The following POLR3B variants were observed in gnomAD, a reference collection of about 807,000 sequenced individuals.
POLR3B encodes DNA-directed RNA polymerase III subunit RPC2.
A neutral mutation model predicts 147.4 loss-of-function variants in POLR3B; 96 were observed. The ratio of observed to expected loss-of-function variants is 0.65; its 90% CI spans 0.55 to 0.77. POLR3B has a LOEUF of 0.77. Ranked by LOEUF, POLR3B falls within the 30% of genes least tolerant of loss-of-function variation. The pLI, the probability that POLR3B is intolerant of heterozygous loss-of-function variation, is 0.00. For synonymous variants in POLR3B, 461 were observed against 485.9 expected, an observed-to-expected ratio of 0.95 and a Z score of 0.67; for missense variants, 1,036 against 1,413.5, an observed-to-expected ratio of 0.73 and a Z score of 4.28.
At chr12:106,490,103 A>G (rs1333105527) in intron 23 of POLR3B, among the ~76,000 whole-genome samples, 3 of 152,322 alleles carry the variant, frequency 2.0e-5, no homozygotes, top group African/African-American at 7.2e-5. Context: ...TTTGGTCTTC[A>G]GTAGCTCGCC....
chr12:106,501,542 G>C, intron 26 of POLR3B, 106 bp downstream of exon 26: 2 of 725,628 alleles, frequency 2.8e-6, no homozygotes, highest in South Asian at 1.7e-5. Context: ...GTTTTCCTGA[G>C]ATGTCAAAAT....
At chr12:106,438,235 T>G (rs2037603386) in intron 18 of POLR3B, among the ~76,000 whole-genome samples, 1 of 152,202 alleles carries the variant, frequency 6.6e-6, no homozygotes, top group South Asian at 2.1e-4. Context: ...TTTTTATGAC[T>G]GCATAGTATT....
chr12:106,421,659 T>C (rs1220771406), intron 12 of POLR3B, among the ~76,000 whole-genome samples: 1 of 151,946 alleles, frequency 6.6e-6, no homozygotes, highest in Non-Finnish European at 1.5e-5. Flanking sequence ...GTGTTGCAGA[T>C]ATCCTTTTCC....
chr12:106,496,084 G>A lies in POLR3B; in HGVS notation c.2743G>A (p.Asp915Asn). 1 of 1,612,406 alleles carries A rather than the reference G, an allele frequency of 6.2e-7. No individual in the cohort carries two copies. Among genetic ancestry groups the A allele is most frequent in the Non-Finnish European group, 8.5e-7 (1 of 1,178,434 alleles). Residue 915 changes from aspartate to asparagine, a missense_variant, in exon 24 of 28, where the codon GAC (aspartate) becomes AAC (asparagine). By Grantham distance (23) the Asp-to-Asn change is conservative. Around this residue, in one of 12 missense-constraint regions of POLR3B, gnomAD observed 202 missense variants for 272.8 expected, o/e 0.74. Transcript: ENST00000228347. ...TTGTGGCTTGATCGTCCCCCAGGAA[G>A]ACATGCCATTTTGTGATTCTGGCAT... Reference protein sequence around the residue: ...GVCGLIVPQEDMPFCDSGICP... With the variant: ...GVCGLIVPQENMPFCDSGICP...
intron 23 of POLR3B, among the ~76,000 whole-genome samples, chr12:106,492,275 A>T (rs2038416793): frequency 6.6e-6 from 1 of 152,138 alleles, no homozygotes; most frequent in Non-Finnish European, 1.5e-5. Flanking sequence ...AGAATTAGGA[A>T]TACTTTTTAA....
At chr12:106,466,205 A>G (rs1469475627) in intron 23 of POLR3B, among the ~76,000 whole-genome samples, 3 of 152,236 alleles carry the variant, frequency 2.0e-5, no homozygotes, top group Non-Finnish European at 4.4e-5. Flanking sequence ...ATGACTAGTG[A>G]TGATGAGCAT....
rs547822703 is a variant in POLR3B at position 106,509,744 on chromosome 12, C to T, written c.*195C>T. ...ACAACCTTGATCATTGAGCCTCGAG[C>T]CATGGGAGAGATGCTGACCATGTGG... is the stretch of plus-strand genomic sequence containing the variant. On this transcript the variant is annotated 3_prime_UTR_variant, in exon 28 of 28. Coordinates refer to ENST00000228347, the MANE Select transcript of POLR3B (RefSeq NM_018082.6). 3 of 519,202 alleles carry T rather than the reference C, an allele frequency of 5.8e-6. No individual in the cohort carries two copies. Among genetic ancestry groups the T allele is most frequent in the South Asian group, 3.9e-5 (2 of 50,916 alleles). The allele number at this position is 519,202 out of a possible 1,614,324, so 32.2% of individuals were successfully genotyped here.
At chr12:106,477,119 ACC>A in intron 23 of POLR3B, among the ~76,000 whole-genome samples, 1 of 141,638 alleles carries the variant, frequency 7.1e-6, no homozygotes, top group African/African-American at 2.8e-5. Flanking sequence ...CTGTTGGAAT[ACC>A]CTGCCTTGTG....
At chr12:106,469,723 G>A (rs940216655) in intron 23 of POLR3B, among the ~76,000 whole-genome samples, 1 of 152,138 alleles carries the variant, frequency 6.6e-6, no homozygotes, top group Admixed American at 6.5e-5. Context: ...TAGTTTGGCT[G>A]GATATGAAAT....
chr12:106,455,527 C>G (rs148834159), intron 20 of POLR3B, among the ~76,000 whole-genome samples: 37 of 152,190 alleles, frequency 2.4e-4, no homozygotes, highest in Non-Finnish European at 5.1e-4. Flanking sequence ...ATGTGGAAAT[C>G]TGAAGACTTT....
chr12:106,496,703 G>A, intron 24 of POLR3B, 49 bp from the exon 25 acceptor site: 3 of 1,526,458 alleles, frequency 2.0e-6, no homozygotes, highest in Non-Finnish European at 2.7e-6. Context: ...AGCAGAGAGA[G>A]TGCTTGTGCC....
chr12:106,359,771 T>G (rs1027357510), intron 1 of POLR3B, among the ~76,000 whole-genome samples: 5 of 152,162 alleles, frequency 3.3e-5, no homozygotes, highest in Admixed American at 1.3e-4. Flanking sequence ...TCACCCCCAT[T>G]TTGCCAGAGA....
In POLR3B at chr12:106,405,994, A is replaced by G; in HGVS notation, c.966+18A>G. ...ATGTCCCAGTGAGTAACACTTCGTT[A>G]TTGTGAATAAGGACTGTGGGGTCTG... On this transcript the variant is annotated intron_variant, in intron 11 of 27. Coordinates refer to ENST00000228347, the MANE Select transcript of POLR3B (RefSeq NM_018082.6). 6.2e-7 allele frequency: 1 copy of G among 1,612,994 alleles called. No individual in the cohort carries two copies. The highest frequency in any genetic ancestry group is 8.5e-7 in the Non-Finnish European group (1 of 1,179,098).
At chr12:106,470,326 C>G (rs760739924) in intron 23 of POLR3B, among the ~76,000 whole-genome samples, 6 of 152,116 alleles carry the variant, frequency 3.9e-5, no homozygotes, top group Non-Finnish European at 5.9e-5. Context: ...CTTCTCTACA[C>G]TGATTGTTCT....
At chr12:106,439,751 C>T (rs1474758848) in intron 18 of POLR3B, among the ~76,000 whole-genome samples, 1 of 151,898 alleles carries the variant, frequency 6.6e-6, no homozygotes, top group African/African-American at 2.4e-5. Context: ...CTATTTTATA[C>T]CCCTCATTTC....
intron 19 of POLR3B, among the ~76,000 whole-genome samples, chr12:106,448,423 A>ATTTTTTT (rs2037751837): frequency 2.1e-5 from 1 of 48,528 alleles, no homozygotes; most frequent in Non-Finnish European, 4.5e-5. Flanking sequence ...TACATACGTT[A>ATTTTTTT]TTTCTTTTTT....
At chr12:106,455,361 C>T (rs1411629927) in intron 20 of POLR3B, among the ~76,000 whole-genome samples, 1 of 152,170 alleles carries the variant, frequency 6.6e-6, no homozygotes, top group African/African-American at 2.4e-5. Flanking sequence ...CCCCTTCCCT[C>T]TTTGTAGTTG....
At chr12:106,364,043 A>G in intron 2 of POLR3B, 141 bp downstream of exon 2, 3 of 679,854 alleles carry the variant, frequency 4.4e-6, no homozygotes, top group East Asian at 2.7e-5. Context: ...AGGAATTATA[A>G]GGTAAAATCC....
chr12:106,414,419 T>C (rs991899199), intron 12 of POLR3B, among the ~76,000 whole-genome samples: 4 of 152,064 alleles, frequency 2.6e-5, no homozygotes, highest in African/African-American at 7.2e-5. Flanking sequence ...ATACTTTCTT[T>C]TGGGGATATG....
Sources: gnomAD v4.1 joint callset for allele counts (sites outside exome capture counted in the v4.1 genomes callset) on GRCh38, gnomAD v4.1.1 for gene constraint, gnomAD v4.1.1 regional missense constraint, MANE v1.5 for transcripts, NCBI Gene and HGNC (gene_info 2026-07-23, HGNC 2026-07-21) for gene names.